CENPS: variants seen among roughly 807,000 people sequenced by gnomAD.
The protein encoded by CENPS is centromere protein S, also known as FANCM associated histone fold protein 1.
In CENPS, 16 loss-of-function variants were observed where a neutral mutation model predicts 17.9. That is an observed-to-expected ratio of 0.90 (90% CI 0.61 to 1.36). The LOEUF (loss-of-function observed/expected upper bound fraction) is 1.36, where lower values mean the gene tolerates loss of function less well. Ranked by LOEUF, CENPS falls within the 40% of genes most tolerant of loss-of-function variation. The pLI, the probability that CENPS is intolerant of heterozygous loss-of-function variation, is 0.00. For synonymous variants in CENPS, 49 were observed against 55.8 expected (o/e 0.88, Z 0.54); for missense variants, 160 against 158.6 (o/e 1.01, Z -0.05).
intron 3 of CENPS, among the ~76,000 whole-genome samples, chr1:10,438,629 G>A (rs1415978104): frequency 6.6e-6 from 1 of 152,140 alleles, no homozygotes; most frequent in Non-Finnish European, 1.5e-5. Context: ...TCCCTAGCTA[G>A]AGTAATTTTC....
intron 3 of CENPS, among the ~76,000 whole-genome samples, chr1:10,436,196 T>C (rs1338226071): frequency 6.6e-6 from 1 of 151,046 alleles, no homozygotes; most frequent in African/African-American, 2.4e-5. Flanking sequence ...CAGGGCGGTC[T>C]TGAACTCCTG....
intron 1 of CENPS, 77 bp from the exon 2 acceptor site, chr1:10,433,765 T>C: frequency 6.3e-7 from 1 of 1,597,852 alleles, no homozygotes; most frequent in East Asian, 2.2e-5. Context: ...GACCCTCTCC[T>C]TGGTCTTCAT....
rs1640459871 is a variant in CENPS, at chr1:10,442,494, AT to A, written c.*90del. ...TGCAAAGGAAACTTTGAAGGGTTAAATAGAGATTTAAAAAAATAAAATAAAA... is the reference window on the plus strand; with the variant it reads ...TGCAAAGGAAACTTTGAAGGGTTAAAAGAGATTTAAAAAAATAAAATAAAA... On this transcript the variant is annotated 3_prime_UTR_variant, in exon 5 of 5. Transcript: ENST00000309048. 1.4e-6 allele frequency: 2 copies of A among 1,391,884 alleles called. No individual in the cohort carries two copies. The highest frequency in any genetic ancestry group is 4.2e-5 in the South Asian group (2 of 47,614). 86.2% of individuals were successfully genotyped at this position (1,391,884 alleles called of 1,614,324 possible).
intron 1 of CENPS, among the ~76,000 whole-genome samples, chr1:10,432,765 T>G (rs931699718): frequency 6.6e-6 from 1 of 152,134 alleles, no homozygotes; most frequent in Non-Finnish European, 1.5e-5. Context: ...CAGGGTGTTG[T>G]GGGCCTGTAG....
At position 10,430,446 on chromosome 1, in the gene CENPS, A is replaced by G; in HGVS notation, c.-72A>G. 4.0e-6 allele frequency: 6 copies of G among 1,518,834 alleles called. No individual in the cohort carries two copies. Among genetic ancestry groups the G allele is most frequent in the South Asian group, 1.2e-5 (1 of 81,342 alleles). The allele number at this position is 1,518,834 out of a possible 1,614,324, so 94.1% of individuals were successfully genotyped here. ...GGCCCGTCGCTCGCGCCGCGGCGGGAAAATCCGACCTGGCCGCGCACCACC... is the reference window on the plus strand; with the variant it reads ...GGCCCGTCGCTCGCGCCGCGGCGGGGAAATCCGACCTGGCCGCGCACCACC... On this transcript the variant is annotated 5_prime_UTR_variant, in exon 1 of 5. Coordinates refer to ENST00000309048, the MANE Select transcript of CENPS (RefSeq NM_199294.3).
chr1:10,433,980 C>T lies in CENPS; in HGVS notation c.175+15C>T. 4.3e-6 allele frequency: 7 copies of T among 1,613,976 alleles called. No homozygotes were observed. Among genetic ancestry groups the T allele is most frequent in the Non-Finnish European group, 5.1e-6 (6 of 1,179,926 alleles). The stretch of plus-strand genomic sequence containing the variant: ...CCGACAGTGTGGTATGAAGCTTCGG[C>T]CTCCCCAGCCATGTCTGTAAACCCC... On this transcript the variant is annotated intron_variant, in intron 2 of 4. Transcript: ENST00000309048.
At chr1:10,431,392 C>G in intron 1 of CENPS, 2 of 1,535,346 alleles carry the variant, frequency 1.3e-6, no homozygotes, top group African/African-American at 2.7e-5. Flanking sequence ...AGAAAAGTTG[C>G]AAGAACACGG....
chr1:10,440,469 A>G (rs1640360984), intron 4 of CENPS, 56 bp downstream of exon 4: 4 of 1,599,732 alleles, frequency 2.5e-6, no homozygotes, highest in African/African-American at 1.3e-5. Flanking sequence ...CATTATTCCC[A>G]ATCAATCACT....
At chr1:10,431,467 C>A in intron 1 of CENPS, 1 of 1,497,684 alleles carries the variant, frequency 6.7e-7, no homozygotes, top group Non-Finnish European at 9.0e-7. Context: ...CTGTTTGCTC[C>A]CATGCTTCCC....
At chr1:10,438,882 C>G (rs1234670160) in intron 3 of CENPS, among the ~76,000 whole-genome samples, 2 of 152,166 alleles carry the variant, frequency 1.3e-5, no homozygotes, top group African/African-American at 4.8e-5. Context: ...ACAGAGCAGC[C>G]TGGTTGTGAG....
intron 4 of CENPS, among the ~76,000 whole-genome samples, chr1:10,440,884 T>C (rs1208762100): frequency 6.6e-6 from 1 of 152,208 alleles, no homozygotes; most frequent in Admixed American, 6.5e-5. Flanking sequence ...AGAGATACTC[T>C]GGTCATCCCA....
chr1:10,430,739 T>C lies in CENPS; in HGVS notation c.51+171T>C, dbSNP rs962469261. On this transcript the variant is annotated intron_variant, in intron 1 of 4. Transcript: ENST00000309048. Reference sequence around the variant, plus strand: ...CCGCGGGTGGTGCTGGGAGGCGGTTTCCGCGGCAACGCGGCTGGACCCTGG... The same window carrying C: ...CCGCGGGTGGTGCTGGGAGGCGGTTCCCGCGGCAACGCGGCTGGACCCTGG... 1.1e-5 allele frequency: 15 copies of C among 1,404,914 alleles called. 1 individual carries two copies. Among genetic ancestry groups the C allele is most frequent in the Non-Finnish European group, 1.4e-5 (15 of 1,081,616 alleles). The allele number at this position is 1,404,914 out of a possible 1,614,324, so 87.0% of individuals were successfully genotyped here.
At chr1:10,440,931 C>T (rs1434107560) in intron 4 of CENPS, among the ~76,000 whole-genome samples, 1 of 152,192 alleles carries the variant, frequency 6.6e-6, no homozygotes, top group African/African-American at 2.4e-5. Flanking sequence ...GCCAGGACAG[C>T]GGGGAGCTTT....
chr1:10,440,191 AATTTTTGTGTC>A (rs1162784278), intron 3 of CENPS, 145 bp from the exon 4 acceptor site: 11 of 968,210 alleles, frequency 1.1e-5, no homozygotes, highest in Non-Finnish European at 1.6e-5. Flanking sequence ...GAACTTCACT[AATTTTTGTGTC>A]ACTTTTGCTT....
At chr1:10,432,649 AGG>A (rs1221809803) in intron 1 of CENPS, among the ~76,000 whole-genome samples, 1 of 152,008 alleles carries the variant, frequency 6.6e-6, no homozygotes, top group Non-Finnish European at 1.5e-5. Flanking sequence ...GAGGAGGAGG[AGG>A]AGGAAGATCT....
intron 4 of CENPS, among the ~76,000 whole-genome samples, chr1:10,441,377 G>T (rs573617129): frequency 1.4e-5 from 2 of 145,360 alleles, no homozygotes; most frequent in Non-Finnish European, 3.0e-5. Context: ...GGGCAGTGGC[G>T]CATCATTGCT....
intron 1 of CENPS, chr1:10,431,188 G>A (rs1322470249): frequency 1.3e-6 from 2 of 1,486,192 alleles, no homozygotes; most frequent in African/African-American, 1.4e-5. Context: ...CATCAGCGCC[G>A]GGCATATGGG....
chr1:10,440,441 C>T (rs943799644), intron 4 of CENPS, 28 bp downstream of exon 4: 2 of 1,612,250 alleles, frequency 1.2e-6, no homozygotes. Context: ...TTCCTCACTC[C>T]CCTTTCCCAT....
rs1640034873 is a variant in CENPS at position 10,433,910 on chromosome 1, G to T, written c.120G>T (p.Met40Ile). ...LCEEVALDKEMQFSKQTIAAI... is the reference protein window; with the variant it reads ...LCEEVALDKEIQFSKQTIAAI... ...AGGAAGTTGCATTGGACAAAGAGATGCAGTTCAGCAAACAGACCATTGCGG... is the reference window on the plus strand; with the variant it reads ...AGGAAGTTGCATTGGACAAAGAGATTCAGTTCAGCAAACAGACCATTGCGG... The change falls in exon 2 of 5, where the codon ATG becomes ATT. Residue 40 changes from methionine (M) to isoleucine (I), a missense_variant. Met to Ile is a conservative substitution (Grantham distance 10). Transcript: ENST00000309048. 2.5e-6 allele frequency: 4 copies of T among 1,614,220 alleles called. No homozygotes were observed. The highest frequency in any genetic ancestry group is 3.4e-6 in the Non-Finnish European group (4 of 1,180,038).
Sources: gnomAD v4.1 joint callset for allele counts (sites outside exome capture counted in the v4.1 genomes callset) on GRCh38, gnomAD v4.1.1 for gene constraint, MANE v1.5 for transcripts, NCBI Gene and HGNC (gene_info 2026-07-23, HGNC 2026-07-21) for gene names.